The following GUCY1A2 variants were observed in gnomAD, a reference collection of about 807,000 sequenced individuals.
The protein encoded by GUCY1A2 is guanylate cyclase soluble subunit alpha-2.
A neutral mutation model predicts 63.5 loss-of-function variants in GUCY1A2; 27 were observed. That is an observed-to-expected ratio of 0.43 (90% CI 0.31 to 0.59). The LOEUF is 0.59. Among genes scored for constraint, GUCY1A2 ranks in the 20% least tolerant of loss-of-function variants. GUCY1A2 has a pLI of 0.11. For missense variants in GUCY1A2, 768 were observed against 913.3 expected (o/e 0.84, Z 2.05); for synonymous variants, 364 against 343.5 (o/e 1.06, Z -0.66).
chr11:106,851,291 G>A (rs187197048), intron 4 of GUCY1A2, among the ~76,000 whole-genome samples: 12 of 151,638 alleles, frequency 7.9e-5, no homozygotes, highest in East Asian at 3.9e-4. Context: ...ATTTTCTCCC[G>A]TTCTACAGGT....
At chr11:106,719,387 A>T (rs1863274431) in intron 6 of GUCY1A2, among the ~76,000 whole-genome samples, 1 of 152,144 alleles carries the variant, frequency 6.6e-6, no homozygotes, top group Non-Finnish European at 1.5e-5. Flanking sequence ...TTGAAAATAG[A>T]TAAAAGGATT....
intron 7 of GUCY1A2, among the ~76,000 whole-genome samples, chr11:106,694,287 G>T (rs1360209915): frequency 1.3e-5 from 2 of 152,086 alleles, no homozygotes; most frequent in Non-Finnish European, 2.9e-5. Context: ...GAATTCCTCT[G>T]GTTCAATGTC....
intron 3 of GUCY1A2, among the ~76,000 whole-genome samples, chr11:106,975,912 A>C (rs147056290): frequency 6.2e-4 from 95 of 152,252 alleles, no homozygotes; most frequent in African/African-American, 2.2e-3. Context: ...GCCACCCTCT[A>C]AATGCAAACT....
intron 3 of GUCY1A2, among the ~76,000 whole-genome samples, chr11:106,949,681 C>T (rs1591339552): frequency 6.6e-6 from 1 of 152,018 alleles, no homozygotes; most frequent in African/African-American, 2.4e-5. Flanking sequence ...CCAGACTTAA[C>T]CTCTTGAAGA....
At chr11:106,839,389 G>C (rs1365758217) in intron 4 of GUCY1A2, among the ~76,000 whole-genome samples, 1 of 151,956 alleles carries the variant, frequency 6.6e-6, no homozygotes, top group Non-Finnish European at 1.5e-5. Flanking sequence ...GGAGAAATAG[G>C]AACACTTTTA....
intron 4 of GUCY1A2, among the ~76,000 whole-genome samples, chr11:106,909,355 C>CTGCGTGTGTGTGTG (rs1555048249): frequency 8.3e-6 from 1 of 119,980 alleles, no homozygotes; most frequent in Non-Finnish European, 1.7e-5. Context: ...TGGTACTCAT[C>CTGCGTGTGTGTGTG]TGTGTGTGTG....
At chr11:106,754,302 C>A (rs1296007939) in intron 6 of GUCY1A2, among the ~76,000 whole-genome samples, 2 of 152,138 alleles carry the variant, frequency 1.3e-5, no homozygotes, top group Non-Finnish European at 2.9e-5. Context: ...CATCTGCAAA[C>A]AGAGACAATT....
At chr11:106,731,855 C>T (rs1336254194) in intron 6 of GUCY1A2, among the ~76,000 whole-genome samples, 1 of 152,018 alleles carries the variant, frequency 6.6e-6, no homozygotes, top group African/African-American at 2.4e-5. Flanking sequence ...GGTAAAAGAT[C>T]TCTGCAATGA....
At chr11:106,824,411 TG>T (rs915340087) in intron 4 of GUCY1A2, among the ~76,000 whole-genome samples, 6 of 152,162 alleles carry the variant, frequency 3.9e-5, no homozygotes, top group African/African-American at 1.4e-4. Flanking sequence ...TTTCTTGGAA[TG>T]GGAGGACTCT....
At chr11:106,963,658 CAGAT>C (rs1243487484) in intron 3 of GUCY1A2, among the ~76,000 whole-genome samples, 1 of 152,116 alleles carries the variant, frequency 6.6e-6, no homozygotes, top group Non-Finnish European at 1.5e-5. Flanking sequence ...ATAAACTCCA[CAGAT>C]AGACTCCAAT....
At chr11:106,869,679 A>T (rs1234176882) in intron 4 of GUCY1A2, among the ~76,000 whole-genome samples, 16 of 152,188 alleles carry the variant, frequency 1.1e-4, no homozygotes, top group Non-Finnish European at 4.4e-5. Flanking sequence ...TAGTTCAACC[A>T]TTGTGGAAGA....
At chr11:106,796,747 T>G (rs1023305610) in intron 5 of GUCY1A2, among the ~76,000 whole-genome samples, 3 of 152,138 alleles carry the variant, frequency 2.0e-5, no homozygotes, top group Admixed American at 6.6e-5. Flanking sequence ...CTGACAATTA[T>G]GTGTTTTGGA....
chr11:106,695,456 TG>T (rs906719574), intron 7 of GUCY1A2, among the ~76,000 whole-genome samples: 26 of 152,214 alleles, frequency 1.7e-4, no homozygotes, highest in African/African-American at 6.3e-4. Flanking sequence ...ACTGCATTTT[TG>T]GGTGTAGGAG....
chr11:106,676,893 T>G lies in GUCY1A2; in HGVS notation c.*10656A>C, dbSNP rs542516371. 4.9e-6 allele frequency: 1 copy of G among 205,186 alleles called. No homozygotes were observed. Among genetic ancestry groups the G allele is most frequent in the South Asian group, 1.9e-4 (1 of 5,284 alleles). The allele number at this position is 205,186 out of a possible 1,614,324, so 12.7% of individuals were successfully genotyped here. ...TGTCCAAACAGATTGACCCTGATAC[T>G]TCTTGAAAAAGTGTTTAAATTCAAT... On this transcript the variant is annotated 3_prime_UTR_variant, in exon 8 of 8. Coordinates refer to ENST00000526355, the MANE Select transcript of GUCY1A2 (RefSeq NM_000855.3).
intron 4 of GUCY1A2, among the ~76,000 whole-genome samples, chr11:106,937,274 C>A (rs1860692335): frequency 6.6e-6 from 1 of 152,174 alleles, no homozygotes; most frequent in South Asian, 2.1e-4. Context: ...CCTCAATGAG[C>A]ACAGTTCCTT....
chr11:106,950,090 T>C (rs985760913), intron 3 of GUCY1A2, among the ~76,000 whole-genome samples: 1 of 152,194 alleles, frequency 6.6e-6, no homozygotes, highest in African/African-American at 2.4e-5. Context: ...ACTAATTTAA[T>C]AGGTGTGAAT....
At chr11:106,963,762 C>CA (rs1343275838) in intron 3 of GUCY1A2, among the ~76,000 whole-genome samples, 1 of 152,134 alleles carries the variant, frequency 6.6e-6, no homozygotes, top group Non-Finnish European at 1.5e-5. Flanking sequence ...CTCTTAAACT[C>CA]ACTTATGTTT....
At chr11:106,800,109 T>G (rs1008335332) in intron 5 of GUCY1A2, among the ~76,000 whole-genome samples, 35 of 152,302 alleles carry the variant, frequency 2.3e-4, no homozygotes, top group African/African-American at 8.2e-4. Context: ...AAAGAAGACA[T>G]TTATGCAGCC....
intron 3 of GUCY1A2, among the ~76,000 whole-genome samples, chr11:106,951,125 T>C (rs1860902915): frequency 6.6e-6 from 1 of 152,246 alleles, no homozygotes; most frequent in Non-Finnish European, 1.5e-5. Flanking sequence ...CCACATTTTC[T>C]TTATCCAGTC....
Sources: gnomAD v4.1 joint callset for allele counts (sites outside exome capture counted in the v4.1 genomes callset) on GRCh38, gnomAD v4.1.1 for gene constraint, MANE v1.5 for transcripts, NCBI Gene and HGNC (gene_info 2026-07-23, HGNC 2026-07-21) for gene names.